Variants in ZNF442 observed in about 807,000 individuals in gnomAD.
The protein encoded by ZNF442 is zinc finger protein 442.
Under a neutral mutation model 57.0 loss-of-function variants are expected in ZNF442, and 45 were observed. The observed-to-expected ratio is 0.79, with a 90% confidence interval of 0.62 to 1.01. The LOEUF (loss-of-function observed/expected upper bound fraction) is 1.01. Among genes scored for constraint, ZNF442 ranks in the 50% least tolerant of loss-of-function variants. The pLI is 0.00. For synonymous variants in ZNF442, 213 were observed against 241.8 expected (o/e 0.88, Z 1.10); for missense variants, 690 against 756.5 (o/e 0.91, Z 1.03).
upstream of ZNF442, among the ~76,000 whole-genome samples, chr19:12,366,101 A>G (rs1366233197): frequency 6.6e-6 from 1 of 152,198 alleles, no homozygotes; most frequent in Non-Finnish European, 1.5e-5. Flanking sequence ...TCCAGGGATC[A>G]GGAATTTAGG....
chr19:12,353,951 C>T (rs1352202693), intron 3 of ZNF442, among the ~76,000 whole-genome samples: 6 of 152,080 alleles, frequency 3.9e-5, no homozygotes, highest in South Asian at 2.1e-4. Flanking sequence ...CACAGGGACT[C>T]GACAGAGTCT....
At chr19:12,365,764 G>GCC (rs398033947), upstream of ZNF442, 153 of 175,694 alleles carry the variant, frequency 8.7e-4, no homozygotes, top group Middle Eastern at 4.9e-3. Context: ...TCCAAATTCC[G>GCC]CCCCCCCAGG....
At chr19:12,361,219 A>T in intron 3 of ZNF442, among the ~76,000 whole-genome samples, 1 of 152,186 alleles carries the variant, frequency 6.6e-6, no homozygotes. Flanking sequence ...ATAAAACTAA[A>T]TAGGAAAAGC....
Position 12,349,255 on chromosome 19 carries a change from T to C in ZNF442, c.*446A>G, listed in dbSNP as rs761813121. On this transcript the variant is annotated 3_prime_UTR_variant, in exon 6 of 6. Coordinates refer to ENST00000242804, the MANE Select transcript of ZNF442 (RefSeq NM_030824.3). ...GTAACATTCTAGGTGACATGTACTATGTAGGCAGGCCTGTGATGGTTGGGT... is the reference window on the plus strand; with the variant it reads ...GTAACATTCTAGGTGACATGTACTACGTAGGCAGGCCTGTGATGGTTGGGT... 1 of 153,320 alleles carries C rather than the reference T, an allele frequency of 6.5e-6. No individual in the cohort carries two copies. Among genetic ancestry groups the C allele is most frequent in the African/African-American group, 2.4e-5 (1 of 41,272 alleles). The allele number at this position is 153,320 out of a possible 1,614,324, so 9.5% of individuals were successfully genotyped here.
intron 3 of ZNF442, among the ~76,000 whole-genome samples, chr19:12,363,202 G>C (rs1433495954): frequency 2.0e-5 from 3 of 149,170 alleles, no homozygotes; most frequent in African/African-American, 7.4e-5. Flanking sequence ...CTACATATGT[G>C]ACCTGTTTTC....
intron 3 of ZNF442, among the ~76,000 whole-genome samples, chr19:12,363,275 T>A (rs778199831): frequency 1.1e-4 from 16 of 152,070 alleles, no homozygotes; most frequent in Non-Finnish European, 2.1e-4. Flanking sequence ...AATCTTATAG[T>A]TAATAAAACG....
In ZNF442 at chr19:12,348,756, T is replaced by C. The variant is rs577762464; in HGVS notation, c.*945A>G. ...CCTCAGTGAATCATATTAGGCACCA[T>C]ACTGTAATCAGCATCATCATGATCA... On this transcript the variant is annotated 3_prime_UTR_variant, in exon 6 of 6. Transcript: ENST00000242804. 4 of 152,272 alleles carry C rather than the reference T, an allele frequency of 2.6e-5. No homozygotes were observed. Among genetic ancestry groups the C allele is most frequent in the South Asian group, 2.1e-4 (1 of 4,828 alleles). 9.4% of individuals were successfully genotyped at this position (152,272 alleles called of 1,614,324 possible). A position where few individuals can be genotyped will look rare whatever the true frequency, so the allele number is the denominator to read the frequency against.
chr19:12,359,927 G>A (rs1012416539), intron 3 of ZNF442, among the ~76,000 whole-genome samples: 1 of 151,896 alleles, frequency 6.6e-6, no homozygotes, highest in Non-Finnish European at 1.5e-5. Flanking sequence ...GCAGTGAGCT[G>A]AGATCACGCC....
In ZNF442 at chr19:12,349,976, T is replaced by C. The variant is rs1301513426; in HGVS notation, c.1609A>G (p.Ile537Val). Residue 537 changes from isoleucine (I) to valine (V), a missense_variant, in exon 6 of 6, where the codon ATT becomes GTT. Physicochemically the swap from Ile to Val is conservative, Grantham distance 29. Coordinates refer to ENST00000242804, the MANE Select transcript of ZNF442 (RefSeq NM_030824.3). ...HFGNLKVHER[I>V]HTGEKPYECK... ...TCATATGGCTTCTCTCCAGTGTGAA[T>C]CCTTTCATGGACTTTTAAGTTACCA... 6.2e-7 allele frequency: 1 copy of C among 1,614,124 alleles called. No homozygotes were observed. Among genetic ancestry groups the C allele is most frequent in the East Asian group, 2.2e-5 (1 of 44,894 alleles).
In ZNF442 at chr19:12,350,935, G is replaced by C. The variant is rs935493257; in HGVS notation, c.650C>G (p.Ala217Gly). The C allele has an allele frequency of 4.3e-6, 7 of 1,614,168 alleles. No homozygotes were observed. The highest frequency in any genetic ancestry group is 2.2e-5 in the East Asian group (1 of 44,884). ...GPYICKLCGKAFFWPSLFRMH... is the reference protein window; with the variant it reads ...GPYICKLCGKGFFWPSLFRMH... ...ACGAAATAAACTAGGCCAAAAAAAG[G>C]CTTTCCCACACAACTTACATATATA... Residue 217 changes from alanine to glycine, a missense_variant, in exon 6 of 6, where the codon GCC becomes GGC. Transcript: ENST00000242804.
chr19:12,372,630 T>C, the ZNF442 span, among the ~76,000 whole-genome samples: 10 of 152,218 alleles, frequency 6.6e-5, no homozygotes, highest in African/African-American at 9.6e-5. Flanking sequence ...TGATGTGTTT[T>C]TTTCTGAAAG....
upstream of ZNF442, among the ~76,000 whole-genome samples, chr19:12,368,907 C>T (rs753580840): frequency 1.3e-5 from 2 of 152,104 alleles, no homozygotes; most frequent in Non-Finnish European, 2.9e-5. Flanking sequence ...GCTCAACTTG[C>T]CCTCCTGTGT....
In ZNF442 at chr19:12,352,899, C is replaced by T; in HGVS notation, c.205+89G>A. ...GTTGTTGAAGGGTCAACTATATCCC[C>T]TTTCGGTATTTCAAATCATTCAACA... On this transcript the variant is annotated intron_variant, in intron 4 of 5. Coordinates refer to ENST00000242804, the MANE Select transcript of ZNF442 (RefSeq NM_030824.3). 4 of 1,502,898 alleles carry T rather than the reference C, an allele frequency of 2.7e-6. No individual in the cohort carries two copies. The South Asian group carries it at 5.0e-5, about 19-fold the overall frequency. 93.1% of individuals were successfully genotyped at this position (1,502,898 alleles called of 1,614,324 possible). A position where few individuals can be genotyped will look rare whatever the true frequency, so the allele number is the denominator to read the frequency against.
rs10415207 is a variant in ZNF442 at position 12,351,257 on chromosome 19, G to T, written c.328C>A (p.Pro110Thr). The change falls in exon 6 of 6, where the codon CCT (proline) becomes ACT (threonine). Residue 110 changes from proline (P) to threonine (T), a missense_variant. Coordinates refer to ENST00000242804, the MANE Select transcript of ZNF442 (RefSeq NM_030824.3). ...RQPDSTVNEK[P>T]PGVDPCKSSV... is the part of the protein sequence containing the mutation. The stretch of plus-strand genomic sequence containing the variant: ...CTTTTACATGGATCTACTCCAGGAG[G>T]TTTTTCATTCACAGTACTATCTGGC... The T allele has an allele frequency of 9.9e-3, 15,985 of 1,614,020 alleles. 1,308 individuals carry two copies. The African/African-American group carries it at 0.18, about 19-fold the overall frequency.
chr19:12,360,841 T>C (rs899462663), intron 3 of ZNF442, among the ~76,000 whole-genome samples: 2 of 152,070 alleles, frequency 1.3e-5, no homozygotes, highest in Admixed American at 6.6e-5. Context: ...GATTGTGCCA[T>C]TGCACTCCAG....
rs1318121847 is a variant in ZNF442 at position 12,349,730 on chromosome 19, T to A, written c.1855A>T (p.Lys619Ter). The change falls in exon 6 of 6, where the codon AAA (lysine) becomes TAA (stop). Residue 619 changes from lysine (K) to a stop codon, truncating the protein, a stop_gained. Transcript: ENST00000242804. LOFTEE classifies it high-confidence loss of function. ...AGAGTATCTCTCCAGTGAGTCCTTT[T>A]ATGTCTATGCAAGGAACTGAGAGAA... is the stretch of plus-strand genomic sequence containing the variant. ...LSSLSSLHRHKRTHWRDTL is the reference protein window; with the variant it reads ...LSSLSSLHRH The A allele has an allele frequency of 6.2e-7, 1 of 1,612,094 alleles. No individual in the cohort carries two copies. The highest frequency in any genetic ancestry group is 2.2e-5 in the East Asian group (1 of 44,868).
chr19:12,365,437 T>A lies in ZNF442; in HGVS notation c.-483+96A>T, dbSNP rs903610501. 1.3e-5 allele frequency: 4 copies of A among 311,014 alleles called. No homozygotes were observed. The South Asian group carries it at 1.5e-4, about 12-fold the overall frequency. 19.3% of individuals were successfully genotyped at this position (311,014 alleles called of 1,614,324 possible). A position where few individuals can be genotyped will look rare whatever the true frequency, so the allele number is the denominator to read the frequency against. On this transcript the variant is annotated intron_variant, in intron 1 of 5. Transcript: ENST00000242804. ...GAACTCGGGTCCACAGACCCCGCAG[T>A]CGCCGCGGGGACGCCCGGGTCCCGC...
intron 3 of ZNF442, among the ~76,000 whole-genome samples, chr19:12,359,603 C>T (rs535792209): frequency 1.2e-4 from 18 of 152,286 alleles, no homozygotes; most frequent in African/African-American, 4.3e-4. Context: ...GACTCATCCT[C>T]AGCCTGAGCC....
intron 3 of ZNF442, among the ~76,000 whole-genome samples, chr19:12,361,620 GA>G (rs149958741): frequency 0.054 from 8,138 of 150,042 alleles, 720 homozygotes; most frequent in African/African-American, 0.19. Flanking sequence ...CAGACTGGGG[GA>G]AAAAAAAAGT....
Sources: gnomAD v4.1 joint callset for allele counts (sites outside exome capture counted in the v4.1 genomes callset) on GRCh38, gnomAD v4.1.1 for gene constraint, MANE v1.5 for transcripts, NCBI Gene and HGNC (gene_info 2026-07-23, HGNC 2026-07-21) for gene names.